The following PROX1 variants were observed in gnomAD, a reference collection of about 807,000 sequenced individuals.
PROX1 encodes prospero homeobox protein 1.
In PROX1, 7 loss-of-function variants were observed where a neutral mutation model predicts 58.8. That is an observed-to-expected ratio of 0.12 (90% CI 0.07 to 0.22). PROX1 has a LOEUF of 0.22. PROX1 is among the 10% of genes least tolerant of loss of function. PROX1 has a pLI of 1.00. For missense variants in PROX1, 675 were observed against 927.8 expected, an observed-to-expected ratio of 0.73 and a Z score of 3.54; for synonymous variants, 350 against 358.3, an observed-to-expected ratio of 0.98 and a Z score of 0.26.
rs1664961812 is a variant in PROX1 at position 214,040,026 on chromosome 1, T to C, written c.*4192T>C. 6.6e-6 allele frequency: 1 copy of C among 152,234 alleles called. No homozygotes were observed. The highest frequency in any genetic ancestry group is 1.5e-5 in the Non-Finnish European group (1 of 68,038). 9.4% of individuals were successfully genotyped at this position (152,234 alleles called of 1,614,324 possible). ...TATTCATTGGTGTGAATAGTACAAA[T>C]GTTTCCTTCTGGTACAAACTCTGTG... is the stretch of plus-strand genomic sequence containing the variant. On this transcript the variant is annotated 3_prime_UTR_variant, in exon 5 of 5. Coordinates refer to ENST00000366958, the MANE Select transcript of PROX1 (RefSeq NM_001270616.2).
intron 4 of PROX1, among the ~76,000 whole-genome samples, chr1:214,019,580 G>A (rs1185416044): frequency 6.6e-6 from 1 of 152,152 alleles, no homozygotes; most frequent in Non-Finnish European, 1.5e-5. Context: ...CCTGCATCCC[G>A]ACCCTCAGGG....
In PROX1 at chr1:214,041,291, A is replaced by C. The variant is rs1664998790; in HGVS notation, c.*5457A>C. 6.6e-6 allele frequency: 1 copy of C among 152,052 alleles called. No individual in the cohort carries two copies. Among genetic ancestry groups the C allele is most frequent in the Admixed American group, 6.6e-5 (1 of 15,262 alleles). The allele number at this position is 152,052 out of a possible 1,614,324, so 9.4% of individuals were successfully genotyped here. On this transcript the variant is annotated 3_prime_UTR_variant, in exon 5 of 5. Coordinates refer to ENST00000366958, the MANE Select transcript of PROX1 (RefSeq NM_001270616.2). ...TTTCTTAAAGAAAGAGTGACTTTTA[A>C]TTTTTGGACCTGTATCCAATTGTAG...
Position 213,997,195 on chromosome 1 carries a change from T to C in PROX1, c.660T>C (p.Ser220=). 6.2e-7 allele frequency: 1 copy of C among 1,609,354 alleles called. No individual in the cohort carries two copies. The highest frequency in any genetic ancestry group is 8.5e-7 in the Non-Finnish European group (1 of 1,178,652). ...KQKLPQQQQQ[S]FQQLVSARKE... ...AGCTTCCCCAGCAGCAGCAACAGAG[T>C]TTCCAGCAGCTGGTTTCAGCCCGAA... The change falls in exon 2 of 5, where the codon AGT becomes AGC. Residue 220 remains serine, a synonymous_variant. Coordinates refer to ENST00000366958, the MANE Select transcript of PROX1 (RefSeq NM_001270616.2). This position sits in a 1 kb window ranked among gnomAD's most constrained non-coding sequence, Gnocchi z 7.1.
chr1:214,036,892 A>C lies in PROX1; in HGVS notation c.*1058A>C, dbSNP rs1403629448. On this transcript the variant is annotated 3_prime_UTR_variant, in exon 5 of 5. Coordinates refer to ENST00000366958, the MANE Select transcript of PROX1 (RefSeq NM_001270616.2). ...GTCATCTCCTAAGAGGAACACATAT[A>C]TTTTCACAAGCAATTCCACACTATC... 1 of 152,200 alleles carries C rather than the reference A, an allele frequency of 6.6e-6. No individual in the cohort carries two copies. Among genetic ancestry groups the C allele is most frequent in the Non-Finnish European group, 1.5e-5 (1 of 68,042 alleles). 9.4% of individuals were successfully genotyped at this position (152,200 alleles called of 1,614,324 possible).
chr1:214,013,427 A>G (rs1207071956), intron 4 of PROX1, among the ~76,000 whole-genome samples: 2 of 152,174 alleles, frequency 1.3e-5, no homozygotes, highest in Non-Finnish European at 2.9e-5. Flanking sequence ...CTAGTGAATT[A>G]TTTACATTAC....
chr1:214,033,008 C>T (rs985686863), intron 4 of PROX1, among the ~76,000 whole-genome samples: 2 of 152,176 alleles, frequency 1.3e-5, no homozygotes, highest in Non-Finnish European at 2.9e-5. Flanking sequence ...CTACACTTCC[C>T]TCCCTCCCCT....
intron 4 of PROX1, chr1:214,028,799 C>G (rs1334054449): frequency 6.6e-6 from 1 of 152,244 alleles, no homozygotes; most frequent in African/African-American, 2.4e-5. Context: ...TAGTCCCCGG[C>G]TGTACACACA....
upstream of PROX1, chr1:213,987,646 C>A (rs1156974172): frequency 6.9e-6 from 1 of 145,540 alleles, no homozygotes; most frequent in Non-Finnish European, 1.5e-5. Context: ...GCATAGTGCC[C>A]GCAGATGGCT....
At chr1:213,993,421 A>G (rs1056332313) in intron 1 of PROX1, among the ~76,000 whole-genome samples, 1 of 152,232 alleles carries the variant, frequency 6.6e-6, no homozygotes, top group Non-Finnish European at 1.5e-5. Flanking sequence ...AAAGGAGTTT[A>G]AAAAATATCA....
At chr1:214,032,106 C>T (rs1664678239) in intron 4 of PROX1, among the ~76,000 whole-genome samples, 1 of 152,098 alleles carries the variant, frequency 6.6e-6, no homozygotes, top group African/African-American at 2.4e-5. Flanking sequence ...TCTTTTATAC[C>T]ATTTCCATTT....
chr1:214,028,997 C>T (rs1664554062), intron 4 of PROX1: 1 of 152,216 alleles, frequency 6.6e-6, no homozygotes, highest in South Asian at 2.1e-4. Flanking sequence ...TGAGGAGTTA[C>T]TAAAGCATCT....
At chr1:213,995,318 T>C (rs75700749) in intron 1 of PROX1, among the ~76,000 whole-genome samples, 10 of 152,362 alleles carry the variant, frequency 6.6e-5, no homozygotes, top group African/African-American at 2.2e-4. Context: ...GTGCCTTTTA[T>C]GAAATTCAAA....
intron 4 of PROX1, chr1:214,030,417 G>C (rs910506587): frequency 2.0e-5 from 3 of 152,186 alleles, no homozygotes; most frequent in Non-Finnish European, 4.4e-5. Context: ...TAGGCCATTG[G>C]AGCCTTTGGT....
intron 4 of PROX1, among the ~76,000 whole-genome samples, chr1:214,025,931 G>A (rs918639867): frequency 6.6e-6 from 1 of 152,060 alleles, no homozygotes; most frequent in Admixed American, 6.5e-5. Context: ...CAAAGTGCTG[G>A]GATTACAGGC....
At chr1:214,011,895 C>G (rs1484153265) in intron 4 of PROX1, among the ~76,000 whole-genome samples, 180 bp downstream of exon 4, 1 of 152,140 alleles carries the variant, frequency 6.6e-6, no homozygotes, top group Non-Finnish European at 1.5e-5. Flanking sequence ...TCATGAGGCT[C>G]TGACCCACTG....
At chr1:214,017,851 G>A (rs1571830284) in intron 4 of PROX1, among the ~76,000 whole-genome samples, 1 of 152,120 alleles carries the variant, frequency 6.6e-6, no homozygotes, top group East Asian at 1.9e-4. Flanking sequence ...TCAGCGATGA[G>A]GAAAGTTCAG....
At position 214,040,769 on chromosome 1, in the gene PROX1, T is replaced by C. The variant is rs1664984732; in HGVS notation, c.*4935T>C. ...CAATTTTTGATTTTTGTTTGTTTTTTTTAGCTAGAGGCAATTTCAATTGTG... is the reference window on the plus strand; with the variant it reads ...CAATTTTTGATTTTTGTTTGTTTTTCTTAGCTAGAGGCAATTTCAATTGTG... On this transcript the variant is annotated 3_prime_UTR_variant, in exon 5 of 5. Transcript: ENST00000366958. 6.6e-6 allele frequency: 1 copy of C among 152,198 alleles called. No homozygotes were observed. The highest frequency in any genetic ancestry group is 1.5e-5 in the Non-Finnish European group (1 of 68,020). 9.4% of individuals were successfully genotyped at this position (152,198 alleles called of 1,614,324 possible). A position where few individuals can be genotyped will look rare whatever the true frequency, so the allele number is the denominator to read the frequency against.
chr1:213,991,246 C>T (rs1468120331), intron 1 of PROX1, among the ~76,000 whole-genome samples: 1 of 152,140 alleles, frequency 6.6e-6, no homozygotes, highest in Non-Finnish European at 1.5e-5. Context: ...AAAACTTGAC[C>T]TTTTAAAATT....
chr1:213,997,891 C>T lies in PROX1; in HGVS notation c.1356C>T (p.Ala452=), dbSNP rs868454145. 3.7e-6 allele frequency: 6 copies of T among 1,612,384 alleles called. No individual in the cohort carries two copies. Among genetic ancestry groups the T allele is most frequent in the Non-Finnish European group, 4.2e-6 (5 of 1,179,088 alleles). Residue 452 remains alanine (A), a synonymous_variant, in exon 2 of 5, where the codon GCC becomes GCT. Transcript: ENST00000366958. This position sits in a 1 kb window ranked among gnomAD's most constrained non-coding sequence, Gnocchi z 7.1. ...VVRKNSSDQS[A]SGPAAGGHHQ... is the part of the protein sequence containing the mutation. ...GCAAAAACTCCTCTGACCAGTCTGC[C>T]TCCGGCCCTGCCGCTGGCGGCCACC...
Sources: allele counts gnomAD v4.1 joint callset (sites outside exome capture counted in the v4.1 genomes callset), GRCh38; gene constraint gnomAD v4.1.1; non-coding constraint Gnocchi (gnomAD v3.1); transcripts MANE v1.5; gene names NCBI Gene and HGNC (gene_info 2026-07-23, HGNC 2026-07-21).